The following PHIP variants were observed in gnomAD, a reference collection of about 807,000 sequenced individuals.
PHIP encodes PHIP subunit of CUL4-Ring ligase complex.
A neutral mutation model predicts 236.8 loss-of-function variants in PHIP; 54 were observed. That is an observed-to-expected ratio of 0.23 (90% CI 0.18 to 0.29). The LOEUF is 0.29. Ranked by LOEUF, PHIP falls within the 10% of genes least tolerant of loss-of-function variation. The pLI is 1.00. For synonymous variants in PHIP, 756 were observed against 718.9 expected, an observed-to-expected ratio of 1.05 and a Z score of -0.83; for missense variants, 1,370 against 2,190.8, an observed-to-expected ratio of 0.63 and a Z score of 7.48.
chr6:78,975,053 G>A (rs545462542), intron 24 of PHIP, among the ~76,000 whole-genome samples: 8 of 150,542 alleles, frequency 5.3e-5, no homozygotes, highest in Middle Eastern at 3.2e-3. Flanking sequence ...TACCAAAGCT[G>A]GGCAGAGACA....
At chr6:79,031,143 C>A (rs1219178632) in intron 7 of PHIP, among the ~76,000 whole-genome samples, 1 of 152,110 alleles carries the variant, frequency 6.6e-6, no homozygotes, top group Non-Finnish European at 1.5e-5. Context: ...AGGGTTTCAC[C>A]ATGTTGGTCA....
At chr6:79,063,238 T>C (rs986604825) in intron 4 of PHIP, among the ~76,000 whole-genome samples, 8 of 152,222 alleles carry the variant, frequency 5.3e-5, no homozygotes, top group African/African-American at 1.2e-4. Context: ...GCAGTACTTA[T>C]AGTTAAGTGC....
At chr6:79,029,363 T>C (rs1348604954) in intron 7 of PHIP, among the ~76,000 whole-genome samples, 2 of 152,172 alleles carry the variant, frequency 1.3e-5, no homozygotes, top group Admixed American at 6.6e-5. Flanking sequence ...TTATGGAAAT[T>C]TGAAACAAAA....
intron 16 of PHIP, among the ~76,000 whole-genome samples, chr6:79,003,286 T>TA (rs1293005579): frequency 1.3e-5 from 2 of 151,998 alleles, no homozygotes; most frequent in Non-Finnish European, 2.9e-5. Context: ...GGATCTTTAA[T>TA]AAAAAACATT....
intron 19 of PHIP, among the ~76,000 whole-genome samples, chr6:78,994,381 T>C (rs1243776067): frequency 6.6e-6 from 1 of 152,090 alleles, no homozygotes; most frequent in Non-Finnish European, 1.5e-5. Context: ...ATCAAGACCA[T>C]CCTGGCTAAC....
intron 21 of PHIP, among the ~76,000 whole-genome samples, chr6:78,987,254 TAAAG>T (rs1160373351): frequency 2.6e-5 from 4 of 152,212 alleles, no homozygotes; most frequent in Non-Finnish European, 4.4e-5. Context: ...CTTTCAAAAA[TAAAG>T]AGACATTTTA....
intron 24 of PHIP, among the ~76,000 whole-genome samples, chr6:78,973,053 G>A (rs903941911): frequency 2.6e-5 from 4 of 152,080 alleles, no homozygotes; most frequent in Non-Finnish European, 4.4e-5. Context: ...CTCGAGAAGA[G>A]CAACTCCAAG....
At position 78,939,280 on chromosome 6, in the gene PHIP, A is replaced by G. The variant is rs189814819; in HGVS notation, c.*1413T>C. Reference sequence around the variant, plus strand: ...ACTTAATTTTACTAATGATGCAAAAAATAATAGAATACAAGGCACAATCAT... The same window carrying G: ...ACTTAATTTTACTAATGATGCAAAAGATAATAGAATACAAGGCACAATCAT... On this transcript the variant is annotated 3_prime_UTR_variant, in exon 40 of 40. Transcript: ENST00000275034. 6.6e-6 allele frequency: 1 copy of G among 151,766 alleles called. No homozygotes were observed. Among genetic ancestry groups the G allele is most frequent in the Non-Finnish European group, 1.5e-5 (1 of 67,712 alleles). 9.4% of individuals were successfully genotyped at this position (151,766 alleles called of 1,614,324 possible). A position where few individuals can be genotyped will look rare whatever the true frequency, so the allele number is the denominator to read the frequency against.
chr6:78,954,154 T>A (rs1766245877), intron 35 of PHIP, among the ~76,000 whole-genome samples: 1 of 152,124 alleles, frequency 6.6e-6, no homozygotes, highest in Non-Finnish European at 1.5e-5. Context: ...CAGGCTGGAG[T>A]ACGGCAGTGG....
chr6:79,064,229 T>C (rs1008381560), intron 4 of PHIP, among the ~76,000 whole-genome samples: 2 of 152,182 alleles, frequency 1.3e-5, no homozygotes, highest in Non-Finnish European at 2.9e-5. Flanking sequence ...CATTCTAGTA[T>C]GTACACTAAC....
At position 78,971,191 on chromosome 6, in the gene PHIP, A is replaced by G. The variant is rs184133770; in HGVS notation, c.2890-303T>C. Among the ~76,000 whole-genome samples the G allele has an allele frequency of 1.6e-4, 25 of 152,326 alleles. No individual in the cohort carries two copies. The East Asian group carries it at 4.0e-3, about 25-fold the overall frequency. Reference sequence around the variant, plus strand: ...CTATGTTGCATAATAACGTTGACTAATAAGTTTATTGTCCACTTTTGTTGT... The same window carrying G: ...CTATGTTGCATAATAACGTTGACTAGTAAGTTTATTGTCCACTTTTGTTGT... On this transcript the variant is annotated intron_variant, in intron 24 of 39. Coordinates refer to ENST00000275034, the MANE Select transcript of PHIP (RefSeq NM_017934.7).
At chr6:79,076,822 G>A (rs1774184151) in intron 4 of PHIP, among the ~76,000 whole-genome samples, 1 of 151,592 alleles carries the variant, frequency 6.6e-6, no homozygotes, top group East Asian at 2.0e-4. Context: ...ATGTGTTTTA[G>A]TAAATGCAAG....
chr6:78,993,357 C>T (rs1769395880), intron 19 of PHIP, among the ~76,000 whole-genome samples: 1 of 152,222 alleles, frequency 6.6e-6, no homozygotes, highest in African/African-American at 2.4e-5. Flanking sequence ...CATTAAACAA[C>T]AGACTTTCAA....
In PHIP at chr6:78,957,645, C is replaced by T. The variant is rs190102300; in HGVS notation, c.3782+830G>A. The T allele has an allele frequency of 6.4e-4, 96 of 149,382 alleles. 1 individual carries two copies. The South Asian group carries it at 8.2e-3, about 13-fold the overall frequency. The allele number at this position is 149,382 out of a possible 1,614,324, so 9.3% of individuals were successfully genotyped here. A position where few individuals can be genotyped will look rare whatever the true frequency, so the allele number is the denominator to read the frequency against. ...ATGTAAAAATGAAAGCTGATAACAG[C>T]TAAGTAAGCTTTTAAAATGCTGTTA... On this transcript the variant is annotated intron_variant, in intron 32 of 39. Coordinates refer to ENST00000275034, the MANE Select transcript of PHIP (RefSeq NM_017934.7).
intron 24 of PHIP, among the ~76,000 whole-genome samples, chr6:78,972,565 C>A (rs547356540): frequency 1.3e-5 from 2 of 151,972 alleles, no homozygotes; most frequent in Non-Finnish European, 2.9e-5. Context: ...AGGCTTCAGA[C>A]GATCAAATTA....
intron 7 of PHIP, among the ~76,000 whole-genome samples, chr6:79,028,117 G>A (rs1184802540): frequency 6.6e-6 from 1 of 152,222 alleles, no homozygotes; most frequent in Admixed American, 6.5e-5. Context: ...AACAATGTGA[G>A]TAGTTCATAG....
intron 17 of PHIP, among the ~76,000 whole-genome samples, chr6:78,999,535 C>G (rs940067011): frequency 1.3e-5 from 2 of 151,960 alleles, no homozygotes; most frequent in Non-Finnish European, 2.9e-5. Context: ...AAATCTAGTA[C>G]AATGCTAGGC....
chr6:78,986,544 A>G (rs1768879660), intron 21 of PHIP, among the ~76,000 whole-genome samples: 1 of 152,244 alleles, frequency 6.6e-6, no homozygotes, highest in Non-Finnish European at 1.5e-5. Flanking sequence ...ATTTTGCCCA[A>G]GGCGGCACAA....
At chr6:79,065,962 C>A (rs1773601932) in intron 4 of PHIP, among the ~76,000 whole-genome samples, 1 of 151,874 alleles carries the variant, frequency 6.6e-6, no homozygotes, top group Admixed American at 6.6e-5. Flanking sequence ...TTAGTAAGAA[C>A]CCCATATCTT....
Sources: allele counts gnomAD v4.1 joint callset (sites outside exome capture counted in the v4.1 genomes callset), GRCh38; gene constraint gnomAD v4.1.1; transcripts MANE v1.5; gene names NCBI Gene and HGNC (gene_info 2026-07-23, HGNC 2026-07-21).